The following SLC26A7 variants were observed in gnomAD, a reference collection of about 807,000 sequenced individuals.
The protein encoded by SLC26A7 is solute carrier family 26 member 7.
In SLC26A7, 59 loss-of-function variants were observed where a neutral mutation model predicts 82.5. The observed-to-expected ratio is 0.72, with a 90% CI of 0.58 to 0.89. The LOEUF (loss-of-function observed/expected upper bound fraction) is 0.89, where lower values mean the gene tolerates loss of function less well. Among genes scored for constraint, SLC26A7 ranks in the 40% least tolerant of loss-of-function variants. SLC26A7 has a pLI of 0.00. For missense variants in SLC26A7, 820 were observed against 793.0 expected (o/e 1.03, Z -0.41); for synonymous variants, 271 against 274.3 (o/e 0.99, Z 0.12).
At chr8:91,234,871 T>TC (rs1406962014) in intron 2 of SLC26A7, among the ~76,000 whole-genome samples, 5 of 114,908 alleles carry the variant, frequency 4.4e-5, no homozygotes, top group African/African-American at 7.9e-5. Context: ...TTCCTTCCCT[T>TC]CTTCCCTCCT....
intron 5 of SLC26A7, among the ~76,000 whole-genome samples, chr8:91,328,294 A>G (rs1284018947): frequency 6.6e-6 from 1 of 152,082 alleles, no homozygotes; most frequent in Non-Finnish European, 1.5e-5. Flanking sequence ...TCTTTTCTTC[A>G]CTAAATACTA....
At chr8:91,221,090 G>A (rs1184987941) in intron 2 of SLC26A7, among the ~76,000 whole-genome samples, 1 of 152,132 alleles carries the variant, frequency 6.6e-6, no homozygotes, top group Non-Finnish European at 1.5e-5. Context: ...ATCTCATTGT[G>A]GTTTTGATTT....
intron 2 of SLC26A7, among the ~76,000 whole-genome samples, chr8:91,222,873 T>C (rs546736273): frequency 4.6e-5 from 7 of 152,194 alleles, no homozygotes; most frequent in Non-Finnish European, 8.8e-5. Context: ...GAGGAGTCCC[T>C]CCTTTTGAAT....
At chr8:91,260,667 C>T (rs554037643) in intron 2 of SLC26A7, among the ~76,000 whole-genome samples, 1 of 152,116 alleles carries the variant, frequency 6.6e-6, no homozygotes, top group Admixed American at 6.6e-5. Flanking sequence ...TCTGGTGGCT[C>T]CTCTCTTCAT....
chr8:91,222,530 C>T (rs1810175215), intron 2 of SLC26A7, among the ~76,000 whole-genome samples: 1 of 152,096 alleles, frequency 6.6e-6, no homozygotes, highest in Admixed American at 6.5e-5. Context: ...AGATATGTTC[C>T]ATCAATACCT....
intron 5 of SLC26A7, among the ~76,000 whole-genome samples, chr8:91,320,298 A>T (rs529901110): frequency 2.0e-5 from 3 of 152,244 alleles, no homozygotes; most frequent in African/African-American, 7.2e-5. Flanking sequence ...TAAAAACTTT[A>T]CGGTGAAACG....
intron 2 of SLC26A7, among the ~76,000 whole-genome samples, chr8:91,282,893 C>G (rs1312172339): frequency 6.6e-6 from 1 of 152,186 alleles, no homozygotes; most frequent in Non-Finnish European, 1.5e-5. Context: ...GTCCCCTCCT[C>G]AGGCATCTAC....
rs897612829 is a variant in SLC26A7 at position 91,300,542 on chromosome 8, C to T, written c.477+4839C>T. ...CCTCCCAAGTAGCTGGGACTACAGG[C>T]GCCCGCCACTACGCCCGGCTAATTT... On this transcript the variant is annotated intron_variant, in intron 4 of 18. Coordinates refer to ENST00000276609, the MANE Select transcript of SLC26A7 (RefSeq NM_052832.4). Among the ~76,000 whole-genome samples the T allele has an allele frequency of 5.0e-3, 751 of 151,374 alleles. 4 individuals are homozygous for T. The highest frequency in any genetic ancestry group is 0.017 in the African/African-American group (716 of 41,434).
Position 91,225,888 on chromosome 8 carries a change from T to A in SLC26A7, c.-34+6883T>A, listed in dbSNP as rs186660387. ...CAACTGGCATTTCAGAGGTCATCAG[T>A]GACTTACTCCCAGTCCAGCTGCTCC... On this transcript the variant is annotated intron_variant, in intron 2 of 5. Transcript: ENST00000522862. Among the ~76,000 whole-genome samples the A allele has an allele frequency of 8.5e-3, 1,286 of 152,188 alleles. 9 individuals carry two copies. The highest frequency in any genetic ancestry group is 0.026 in the South Asian group (125 of 4,820).
intron 9 of SLC26A7, 95 bp from the exon 10 acceptor site, chr8:91,351,715 A>G (rs1813720192): frequency 1.2e-6 from 1 of 803,650 alleles, no homozygotes; most frequent in Admixed American, 2.0e-5. Context: ...TCTAATCAAG[A>G]TAAACTAAGA....
chr8:91,363,016 C>T (rs1004558499), intron 12 of SLC26A7, among the ~76,000 whole-genome samples: 17 of 152,136 alleles, frequency 1.1e-4, no homozygotes, highest in African/African-American at 3.6e-4. Context: ...ACTTCACATC[C>T]ATCTTTCCCT....
intron 18 of SLC26A7, 77 bp from the exon 19 acceptor site, chr8:91,394,985 C>T (rs1470557791): frequency 1.3e-6 from 2 of 1,501,776 alleles, no homozygotes; most frequent in South Asian, 1.1e-5. Flanking sequence ...GCTTCAGTTA[C>T]TACTGTTCTT....
intron 2 of SLC26A7, among the ~76,000 whole-genome samples, chr8:91,273,520 A>C (rs1811327298): frequency 6.6e-6 from 1 of 152,240 alleles, no homozygotes; most frequent in African/African-American, 2.4e-5. Flanking sequence ...AGGTATTGAC[A>C]GGGCCAAATG....
At chr8:91,293,939 T>A (rs1020837832) in intron 3 of SLC26A7, among the ~76,000 whole-genome samples, 1 of 152,194 alleles carries the variant, frequency 6.6e-6, no homozygotes, top group Non-Finnish European at 1.5e-5. Context: ...CTACTTGGTG[T>A]TTCCCATCCT....
chr8:91,317,939 GATATAT>G (rs35028681), intron 4 of SLC26A7, among the ~76,000 whole-genome samples: 13 of 140,510 alleles, frequency 9.3e-5, no homozygotes, highest in African/African-American at 3.1e-4. Flanking sequence ...ACTATAATAA[GATATAT>G]ATATATATAT....
chr8:91,320,209 C>A (rs1024465196), intron 5 of SLC26A7, among the ~76,000 whole-genome samples: 2 of 152,174 alleles, frequency 1.3e-5, no homozygotes, highest in Admixed American at 1.3e-4. Context: ...ACTACCAGTG[C>A]GTGCCACTGT....
At chr8:91,339,625 G>A (rs1350276588) in intron 7 of SLC26A7, among the ~76,000 whole-genome samples, 2 of 116,126 alleles carry the variant, frequency 1.7e-5, no homozygotes, top group Admixed American at 8.8e-5. Context: ...TACTGCCTGA[G>A]GGATTTATTT....
chr8:91,243,414 C>G (rs1414869150), intron 2 of SLC26A7, among the ~76,000 whole-genome samples: 1 of 152,190 alleles, frequency 6.6e-6, no homozygotes, highest in African/African-American at 2.4e-5. Context: ...GTCCCATCTT[C>G]TTTTAGAAAA....
chr8:91,222,833 T>A (rs992499851), intron 2 of SLC26A7, among the ~76,000 whole-genome samples: 10 of 152,322 alleles, frequency 6.6e-5, no homozygotes, highest in African/African-American at 2.4e-4. Flanking sequence ...TGTTTTGGTA[T>A]CAGGATGATG....
Sources: gnomAD v4.1 joint callset for allele counts (sites outside exome capture counted in the v4.1 genomes callset) on GRCh38, gnomAD v4.1.1 for gene constraint, MANE v1.5 for transcripts, NCBI Gene and HGNC (gene_info 2026-07-23, HGNC 2026-07-21) for gene names.